DEPDC1B: variants seen among roughly 807,000 people sequenced by gnomAD.
DEPDC1B encodes the protein DEP domain-containing protein 1B.
Under a neutral mutation model 66.5 loss-of-function variants are expected in DEPDC1B, and 51 were observed. The observed-to-expected ratio is 0.77, with a 90% CI of 0.61 to 0.97. The LOEUF (loss-of-function observed/expected upper bound fraction) is 0.97, where lower values mean the gene tolerates loss of function less well. Ranked by LOEUF, DEPDC1B falls within the 50% of genes least tolerant of loss-of-function variation. The probability of loss-of-function intolerance (pLI) is 0.00; values close to 1 mark genes in which losing one functional copy is unlikely to be tolerated. For missense variants in DEPDC1B, 552 were observed against 637.1 expected (o/e 0.87, Z 1.44); for synonymous variants, 226 against 223.6 (o/e 1.01, Z -0.10).
chr5:60,608,642 G>A (rs1027336347), intron 7 of DEPDC1B, among the ~76,000 whole-genome samples: 4 of 66,682 alleles, frequency 6.0e-5, no homozygotes, highest in Non-Finnish European at 7.8e-5. Context: ...AGTACCTCAG[G>A]GCTGTAAAAT....
rs768244156 is a variant in DEPDC1B at position 60,597,633 on chromosome 5, A to G, written c.*120T>C. 10 of 1,100,204 alleles carry G rather than the reference A, an allele frequency of 9.1e-6. No homozygotes were observed. Among genetic ancestry groups the G allele is most frequent in the Non-Finnish European group, 1.2e-5 (9 of 771,694 alleles). The allele number at this position is 1,100,204 out of a possible 1,614,324, so 68.2% of individuals were successfully genotyped here. On this transcript the variant is annotated 3_prime_UTR_variant, in exon 11 of 11. Coordinates refer to ENST00000265036, the MANE Select transcript of DEPDC1B (RefSeq NM_018369.3). ...TTAAAAACTAAGGCAATCTTTATCT[A>G]TATTTCAGTAGTCTTTGTTTTATGC...
Position 60,642,805 on chromosome 5 carries a change from T to TAATTAGA in DEPDC1B, c.757+6_757+7insTCTAATT. The TAATTAGA allele has an allele frequency of 6.2e-7, 1 of 1,607,642 alleles. No homozygotes were observed. Among genetic ancestry groups the TAATTAGA allele is most frequent in the Non-Finnish European group, 8.5e-7 (1 of 1,177,712 alleles). ...TTTCACAAAACTGGCAGATAATTAG[T>TAATTAGA]ACTTACAATTTGCCAAACACTTCAT... On this transcript the variant is annotated splice_region_variant and intron_variant, in intron 6 of 10. Coordinates refer to ENST00000265036, the MANE Select transcript of DEPDC1B (RefSeq NM_018369.3).
At chr5:60,697,706 C>T (rs1239323837) in intron 1 of DEPDC1B, among the ~76,000 whole-genome samples, 2 of 151,988 alleles carry the variant, frequency 1.3e-5, no homozygotes, top group Non-Finnish European at 2.9e-5. Flanking sequence ...TATTATGTTC[C>T]TCAAACACTA....
At position 60,646,991 on chromosome 5, in the gene DEPDC1B, G is replaced by A. The variant is rs182472503; in HGVS notation, c.450+407C>T. ...AGGGCTCCCACTGATTCTATATTATGGTGAGTAGCATAATTATCTCATTAT... is the reference window on the plus strand; with the variant it reads ...AGGGCTCCCACTGATTCTATATTATAGTGAGTAGCATAATTATCTCATTAT... On this transcript the variant is annotated intron_variant, in intron 3 of 10. Transcript: ENST00000265036. 3.5e-3 allele frequency among the ~76,000 whole-genome samples: 526 copies of A among 151,908 alleles called. 3 individuals are homozygous for A. Among genetic ancestry groups the A allele is most frequent in the Non-Finnish European group, 5.6e-3 (379 of 67,946 alleles).
intron 7 of DEPDC1B, among the ~76,000 whole-genome samples, chr5:60,620,899 ATC>A (rs1398166641): frequency 7.9e-5 from 12 of 152,382 alleles, no homozygotes; most frequent in African/African-American, 2.9e-4. Context: ...CCAAATGTCC[ATC>A]AGTGATAGAC....
At chr5:60,666,677 A>T (rs1261373032) in intron 2 of DEPDC1B, among the ~76,000 whole-genome samples, 1 of 152,060 alleles carries the variant, frequency 6.6e-6, no homozygotes, top group Non-Finnish European at 1.5e-5. Flanking sequence ...GTAGCAGGGG[A>T]GTGAAGTGGA....
intron 3 of DEPDC1B, among the ~76,000 whole-genome samples, chr5:60,646,668 A>G (rs951691200): frequency 6.6e-6 from 1 of 152,198 alleles, no homozygotes; most frequent in Non-Finnish European, 1.5e-5. Context: ...CAGGCCACAG[A>G]CTGGTATCAG....
intron 7 of DEPDC1B, among the ~76,000 whole-genome samples, chr5:60,615,467 C>A (rs374393218): frequency 7.4e-4 from 113 of 152,340 alleles, no homozygotes; most frequent in African/African-American, 2.5e-3. Context: ...ACTTTTCCAA[C>A]AGTCTTAGCA....
chr5:60,647,406 C>T lies in DEPDC1B; in HGVS notation c.442G>A (p.Val148Ile). 6.2e-7 allele frequency: 1 copy of T among 1,604,952 alleles called. No homozygotes were observed. Among genetic ancestry groups the T allele is most frequent in the South Asian group, 1.1e-5 (1 of 89,250 alleles). ...TCAGTCATGGCACTTACCATCACAA[C>T]TGGCCTCACTGGGATGTTCTCTTGT... ...TSQENIPVRP[V>I]VMNSEMWYKR... The change falls in exon 3 of 11, where the codon GTT (valine) becomes ATT (isoleucine). Residue 148 changes from valine (V) to isoleucine (I), a missense_variant. By Grantham distance (29) the Val-to-Ile change is conservative. Coordinates refer to ENST00000265036, the MANE Select transcript of DEPDC1B (RefSeq NM_018369.3).
intron 6 of DEPDC1B, among the ~76,000 whole-genome samples, chr5:60,641,074 A>C (rs1753179668): frequency 6.6e-6 from 1 of 152,194 alleles, no homozygotes; most frequent in Non-Finnish European, 1.5e-5. Context: ...CTTGCCACCT[A>C]GTATCATGCC....
chr5:60,630,626 A>G (rs1409056543), intron 7 of DEPDC1B: 3 of 152,498 alleles, frequency 2.0e-5, no homozygotes, highest in Admixed American at 1.3e-4. Flanking sequence ...CATGAAAGAA[A>G]TTCTGCAAGC....
At chr5:60,601,786 T>C (rs1299516083) in intron 9 of DEPDC1B, among the ~76,000 whole-genome samples, 1 of 152,218 alleles carries the variant, frequency 6.6e-6, no homozygotes, top group Non-Finnish European at 1.5e-5. Flanking sequence ...AGGTTTACAA[T>C]GTGATAAACA....
chr5:60,638,955 T>C, intron 6 of DEPDC1B, 65 bp from the exon 7 acceptor site: 1 of 1,549,556 alleles, frequency 6.5e-7, no homozygotes, highest in Non-Finnish European at 8.7e-7. Flanking sequence ...TATTATTCTC[T>C]GTGAATATGT....
chr5:60,601,674 T>C (rs1265174142), intron 9 of DEPDC1B, among the ~76,000 whole-genome samples: 6 of 152,176 alleles, frequency 3.9e-5, no homozygotes, highest in Non-Finnish European at 1.5e-5. Context: ...TTAAATAAAT[T>C]ATGGTATATC....
chr5:60,608,604 TA>T (rs1752356021), intron 7 of DEPDC1B, among the ~76,000 whole-genome samples: 1 of 150,208 alleles, frequency 6.7e-6, no homozygotes, highest in East Asian at 1.9e-4. Context: ...AATAATGTAT[TA>T]AAAAAGAAAT....
chr5:60,668,440 A>G (rs1448144844), intron 2 of DEPDC1B, among the ~76,000 whole-genome samples: 1 of 151,016 alleles, frequency 6.6e-6, no homozygotes, highest in Non-Finnish European at 1.5e-5. Flanking sequence ...ACGCCTGGCT[A>G]ATTTTTGTAT....
intron 7 of DEPDC1B, among the ~76,000 whole-genome samples, chr5:60,626,251 C>T (rs1047899632): frequency 6.6e-6 from 1 of 152,132 alleles, no homozygotes; most frequent in Non-Finnish European, 1.5e-5. Flanking sequence ...TAGCATGCAA[C>T]AACATTGCAT....
intron 7 of DEPDC1B, among the ~76,000 whole-genome samples, chr5:60,609,628 C>A (rs972899033): frequency 6.6e-6 from 1 of 152,186 alleles, no homozygotes; most frequent in Non-Finnish European, 1.5e-5. Context: ...AGAAAACCCA[C>A]TGTAAGGACT....
intron 6 of DEPDC1B, among the ~76,000 whole-genome samples, chr5:60,641,843 A>C (rs1256170685): frequency 6.6e-6 from 1 of 152,194 alleles, no homozygotes; most frequent in East Asian, 1.9e-4. Context: ...AAAACCAATG[A>C]AAATGTTAAC....
Sources: gnomAD v4.1 joint callset for allele counts (sites outside exome capture counted in the v4.1 genomes callset) on GRCh38, gnomAD v4.1.1 for gene constraint, MANE v1.5 for transcripts, NCBI Gene and HGNC (gene_info 2026-07-23, HGNC 2026-07-21) for gene names.